The following CNTN4 variants were observed in gnomAD, a reference collection of about 807,000 sequenced individuals.
CNTN4 encodes contactin-4.
CNTN4 carries 77 observed loss-of-function variants against 122.5 expected under a neutral mutation model. The ratio of observed to expected loss-of-function variants is 0.63; its 90% CI spans 0.52 to 0.76. The LOEUF is 0.76. Ranked by LOEUF, CNTN4 falls within the 30% of genes least tolerant of loss-of-function variation. The pLI is 0.00. For synonymous variants in CNTN4, 512 were observed against 447.0 expected, an observed-to-expected ratio of 1.15 and a Z score of -1.83; for missense variants, 1,256 against 1,259.1, an observed-to-expected ratio of 1.00 and a Z score of 0.04.
intron 14 of CNTN4, among the ~76,000 whole-genome samples, chr3:2,994,103 A>T (rs1311213673): frequency 6.6e-6 from 1 of 152,142 alleles, no homozygotes; most frequent in South Asian, 2.1e-4. Flanking sequence ...GAAGCACATG[A>T]CCTGGTGTTT....
At chr3:2,933,222 G>A (rs551571820) in intron 13 of CNTN4, among the ~76,000 whole-genome samples, 150 of 152,216 alleles carry the variant, frequency 9.9e-4, no homozygotes, top group African/African-American at 3.4e-3. Context: ...TGCATTCGTC[G>A]CAGGGTCAGC....
chr3:2,935,796 G>T (rs1480342122), intron 13 of CNTN4, among the ~76,000 whole-genome samples: 2 of 152,150 alleles, frequency 1.3e-5, no homozygotes, highest in African/African-American at 2.4e-5. Context: ...TGCCATTTGT[G>T]TTGGAGCATA....
At chr3:2,896,931 G>GGTT (rs1384447143) in intron 10 of CNTN4, among the ~76,000 whole-genome samples, 3 of 118,098 alleles carry the variant, frequency 2.5e-5, no homozygotes, top group African/African-American at 9.4e-5. Flanking sequence ...AATTTAGAGG[G>GGTT]TTTTTTTTTT....
chr3:2,922,849 G>T (rs2094442076), intron 12 of CNTN4, among the ~76,000 whole-genome samples: 2 of 152,072 alleles, frequency 1.3e-5, no homozygotes, highest in Admixed American at 1.3e-4. Context: ...GGCCTCATGT[G>T]ATCTGCCCAC....
At position 2,682,923 on chromosome 3, in the gene CNTN4, G is replaced by C. The variant is rs76435109; in HGVS notation, c.56-53292G>C. Among the ~76,000 whole-genome samples, 3 of 131,472 alleles carry C rather than the reference G, an allele frequency of 2.3e-5. No homozygotes were observed. In the East Asian group the frequency reaches 6.4e-4, roughly 28 times the overall value. The allele number at this position is 131,472 out of a possible 152,430, so 86.3% of individuals were successfully genotyped here. A position where few individuals can be genotyped will look rare whatever the true frequency, so the allele number is the denominator to read the frequency against. The stretch of plus-strand genomic sequence containing the variant: ...CTTCACGGAGTAGATTTTCTCTGCC[G>C]CCAGCATCCAAATGTGCATTTGACA... On this transcript the variant is annotated intron_variant, in intron 4 of 24. Coordinates refer to ENST00000418658, the MANE Select transcript of CNTN4 (RefSeq NM_175607.3).
intron 7 of CNTN4, among the ~76,000 whole-genome samples, chr3:2,838,115 C>T (rs1208282133): frequency 6.6e-6 from 1 of 152,142 alleles, no homozygotes; most frequent in Non-Finnish European, 1.5e-5. Context: ...TTCAAGAAAC[C>T]ACATGGAAGG....
chr3:2,771,895 A>G (rs1576729831), intron 6 of CNTN4, among the ~76,000 whole-genome samples: 1 of 152,286 alleles, frequency 6.6e-6, no homozygotes, highest in East Asian at 1.9e-4. Flanking sequence ...GAGTCTTGAC[A>G]GATGGTTGAT....
chr3:2,430,903 A>T lies in CNTN4; in HGVS notation c.-89+91670A>T, dbSNP rs9856749. Reference sequence around the variant, plus strand: ...ATCTAAACAGCTCATGGGTCTTCCAAGTTCCTGATGAAAATTAGAATTGAA... The same window carrying T: ...ATCTAAACAGCTCATGGGTCTTCCATGTTCCTGATGAAAATTAGAATTGAA... On this transcript the variant is annotated intron_variant, in intron 3 of 24. Transcript: ENST00000418658. Among the ~76,000 whole-genome samples, 364 of 152,328 alleles carry T rather than the reference A, an allele frequency of 2.4e-3. 2 individuals are homozygous for T. Among genetic ancestry groups the T allele is most frequent in the African/African-American group, 8.3e-3 (346 of 41,580 alleles).
intron 2 of CNTN4, among the ~76,000 whole-genome samples, chr3:2,305,832 C>T (rs2042682470): frequency 6.6e-6 from 1 of 152,152 alleles, no homozygotes. Flanking sequence ...AATGTACAAT[C>T]TGCCTGTATA....
intron 3 of CNTN4, among the ~76,000 whole-genome samples, chr3:2,401,458 G>C (rs1240783496): frequency 6.6e-6 from 1 of 152,120 alleles, no homozygotes; most frequent in Non-Finnish European, 1.5e-5. Flanking sequence ...CATCAGTCTA[G>C]AAGTTAAGAT....
At chr3:2,147,850 CTGTGTATT>C in intron 2 of CNTN4, among the ~76,000 whole-genome samples, 1 of 152,298 alleles carries the variant, frequency 6.6e-6, no homozygotes, top group East Asian at 1.9e-4. Flanking sequence ...TTTCCAGGCT[CTGTGTATT>C]TGCTTATGTT....
intron 4 of CNTN4, among the ~76,000 whole-genome samples, chr3:2,613,266 G>A (rs549704442): frequency 2.4e-4 from 37 of 151,994 alleles, no homozygotes; most frequent in Non-Finnish European, 4.7e-4. Context: ...CCCCCAAACT[G>A]TTTCTTCTCG....
At chr3:3,011,542 C>T (rs1697229578) in intron 14 of CNTN4, among the ~76,000 whole-genome samples, 1 of 152,134 alleles carries the variant, frequency 6.6e-6, no homozygotes, top group Non-Finnish European at 1.5e-5. Flanking sequence ...CAAGAAGGCA[C>T]CTGTGTCACT....
In CNTN4 at chr3:2,433,905, G is replaced by A. The variant is rs61660491; in HGVS notation, c.-89+94672G>A. 3.9e-3 allele frequency among the ~76,000 whole-genome samples: 586 copies of A among 152,188 alleles called. 4 individuals are homozygous for A. The highest frequency in any genetic ancestry group is 0.014 in the African/African-American group (567 of 41,518). ...TTATGCCAATTGAAATAAGCCAGGC[G>A]CAGAAGGACAAATACCATATGATTT... On this transcript the variant is annotated intron_variant, in intron 3 of 24. Transcript: ENST00000418658.
chr3:2,175,286 G>T (rs1410470330), intron 2 of CNTN4, among the ~76,000 whole-genome samples: 2 of 151,620 alleles, frequency 1.3e-5, no homozygotes, highest in East Asian at 1.9e-4. Context: ...TTTTTTGTAG[G>T]ATTCCCTGTC....
At chr3:2,374,234 A>C (rs1029981104) in intron 3 of CNTN4, among the ~76,000 whole-genome samples, 1 of 152,190 alleles carries the variant, frequency 6.6e-6, no homozygotes, top group African/African-American at 2.4e-5. Flanking sequence ...TGGAAAATAC[A>C]GAATGACCTA....
chr3:2,291,000 A>G (rs1157277086), intron 2 of CNTN4, among the ~76,000 whole-genome samples: 2 of 152,166 alleles, frequency 1.3e-5, no homozygotes, highest in African/African-American at 4.8e-5. Flanking sequence ...GCATTTTTTA[A>G]AAGAATCCAA....
intron 2 of CNTN4, among the ~76,000 whole-genome samples, chr3:2,307,307 C>T (rs1685463): frequency 0.28 from 42,532 of 151,600 alleles, 6,677 homozygotes; most frequent in East Asian, 0.47. Context: ...TGGTGGCGGG[C>T]GCCTGTAGTC....
chr3:2,912,893 C>T (rs1415387236), intron 12 of CNTN4, among the ~76,000 whole-genome samples: 5 of 152,254 alleles, frequency 3.3e-5, no homozygotes, highest in South Asian at 4.2e-4. Context: ...GGCTCACGCC[C>T]GTAATCCCAG....
Sources: allele counts gnomAD v4.1 joint callset (sites outside exome capture counted in the v4.1 genomes callset), GRCh38; gene constraint gnomAD v4.1.1; transcripts MANE v1.5; gene names NCBI Gene and HGNC (gene_info 2026-07-23, HGNC 2026-07-21).